The following PTPRD variants were observed in gnomAD, a reference collection of about 807,000 sequenced individuals.
PTPRD encodes the protein protein tyrosine phosphatase receptor type D.
A neutral mutation model predicts 214.5 loss-of-function variants in PTPRD; 34 were observed. That is an observed-to-expected ratio of 0.16 (90% CI 0.12 to 0.21). The LOEUF is 0.21. Ranked by LOEUF, PTPRD falls within the 10% of genes least tolerant of loss-of-function variation. PTPRD has a pLI of 1.00. For synonymous variants in PTPRD, 1,128 were observed against 845.7 expected (o/e 1.33, Z -5.79); for missense variants, 2,545 against 2,398.7 (o/e 1.06, Z -1.27).
chr9:9,433,473 T>G (rs2084009531), intron 8 of PTPRD, among the ~76,000 whole-genome samples: 1 of 152,196 alleles, frequency 6.6e-6, no homozygotes, highest in Non-Finnish European at 1.5e-5. Context: ...TCAACAAGGA[T>G]TCTTCTCTTT....
chr9:8,565,401 A>G (rs1304490146), intron 14 of PTPRD, among the ~76,000 whole-genome samples: 1 of 152,212 alleles, frequency 6.6e-6, no homozygotes, highest in Non-Finnish European at 1.5e-5. Flanking sequence ...TACCCACAGA[A>G]AGGATAACAT....
At chr9:8,766,070 T>A (rs2066319315) in intron 11 of PTPRD, among the ~76,000 whole-genome samples, 1 of 151,986 alleles carries the variant, frequency 6.6e-6, no homozygotes, top group Non-Finnish European at 1.5e-5. Context: ...GGATAGTCAT[T>A]GGTAGTGTCC....
At chr9:9,652,054 G>A (rs2096373945) in intron 7 of PTPRD, among the ~76,000 whole-genome samples, 2 of 151,770 alleles carry the variant, frequency 1.3e-5, no homozygotes, top group South Asian at 4.2e-4. Flanking sequence ...TGTTAGCCAG[G>A]ATGGGCTCAA....
rs140027917 is a variant in PTPRD at position 10,476,601 on chromosome 9, C to T, written c.-599-135584G>A. Among the ~76,000 whole-genome samples, 422 of 152,234 alleles carry T rather than the reference C, an allele frequency of 2.8e-3. 2 individuals carry two copies. Among genetic ancestry groups the T allele is most frequent in the African/African-American group, 9.6e-3 (398 of 41,556 alleles). On this transcript the variant is annotated intron_variant, in intron 2 of 45. Transcript: ENST00000381196. The stretch of plus-strand genomic sequence containing the variant: ...TAGATTCTATGCTATTCCCATCAAG[C>T]TACCATTGACCTTCTTCACAGAGCT...
In PTPRD at chr9:8,733,866, C is replaced by T. The variant is rs540479929; in HGVS notation, c.-23G>A. ...CATCCTGCAGCTTGGCAGCAGCGTG[C>T]GCGAGCAGCTTGGAATCACTGCCTC... On this transcript the variant is annotated 5_prime_UTR_variant, in exon 12 of 46. Coordinates refer to ENST00000381196, the MANE Select transcript of PTPRD (RefSeq NM_002839.4). The T allele has an allele frequency of 8.4e-6, 13 of 1,549,258 alleles. No homozygotes were observed. Among genetic ancestry groups the T allele is most frequent in the East Asian group, 2.4e-5 (1 of 40,896 alleles).
Position 8,636,847 on chromosome 9 carries a change from G to A in PTPRD, c.65-3C>T, listed in dbSNP as rs766554370. ...TGTTCGTGTAAACCTTGGAGGTGCT[G>A]AAATAAAAAATAAACATCACAGTTA... On this transcript the variant is annotated splice_region_variant and splice_polypyrimidine_tract_variant and intron_variant, in intron 12 of 45. Transcript: ENST00000381196. 6.2e-7 allele frequency: 1 copy of A among 1,610,042 alleles called. No homozygotes were observed. Among genetic ancestry groups the A allele is most frequent in the Admixed American group, 1.7e-5 (1 of 59,736 alleles).
intron 10 of PTPRD, among the ~76,000 whole-genome samples, chr9:9,093,164 G>A (rs144177476): frequency 4.9e-4 from 74 of 151,978 alleles, no homozygotes; most frequent in African/African-American, 1.6e-3. Flanking sequence ...ATCTAACAAC[G>A]GAACTTCCAA....
At chr9:8,665,877 G>A (rs2097159860) in intron 12 of PTPRD, among the ~76,000 whole-genome samples, 1 of 152,126 alleles carries the variant, frequency 6.6e-6, no homozygotes, top group South Asian at 2.1e-4. Flanking sequence ...GTTTGTGAAA[G>A]TTAATTATCT....
chr9:10,049,442 A>AAGAAAGAAAGAAAAG lies in PTPRD; in HGVS notation c.-544-15653_-544-15652insCTTTTCTTTCTTTCT, dbSNP rs1242275018. ...AAGAAAGAAAGAAAGAAAGAAAAGAAAAAAAAAAACCCTTCTATATGTGTG... is the reference window on the plus strand; with the variant it reads ...AAGAAAGAAAGAAAGAAAGAAAAGAAAGAAAGAAAGAAAAGAAAAAAAAACCCTTCTATATGTGTG... On this transcript the variant is annotated intron_variant, in intron 3 of 45. Coordinates refer to ENST00000381196, the MANE Select transcript of PTPRD (RefSeq NM_002839.4). Among the ~76,000 whole-genome samples the AAGAAAGAAAGAAAAG allele has an allele frequency of 1.5e-3, 127 of 82,256 alleles. 1 individual carries two copies. In the East Asian group the frequency reaches 0.033, roughly 22 times the overall value. The allele number at this position is 82,256 out of a possible 152,430, so 54.0% of individuals were successfully genotyped here. A position where few individuals can be genotyped will look rare whatever the true frequency, so the allele number is the denominator to read the frequency against.
At chr9:9,455,029 T>C (rs1438550875) in intron 8 of PTPRD, among the ~76,000 whole-genome samples, 1 of 151,596 alleles carries the variant, frequency 6.6e-6, no homozygotes, top group Non-Finnish European at 1.5e-5. Context: ...AAGTATTGCG[T>C]TTTATCTATC....
At chr9:8,851,375 T>C (rs1205273693) in intron 11 of PTPRD, among the ~76,000 whole-genome samples, 2 of 152,212 alleles carry the variant, frequency 1.3e-5, no homozygotes, top group Non-Finnish European at 2.9e-5. Flanking sequence ...TATTTCTAGC[T>C]TTTGCTTTAA....
chr9:9,705,263 G>T (rs1340840709), intron 7 of PTPRD, among the ~76,000 whole-genome samples: 2 of 152,102 alleles, frequency 1.3e-5, no homozygotes, highest in African/African-American at 2.4e-5. Flanking sequence ...TACTATAAAT[G>T]AATTAGGATT....
At chr9:9,206,438 G>A (rs957506131) in intron 9 of PTPRD, among the ~76,000 whole-genome samples, 1 of 152,184 alleles carries the variant, frequency 6.6e-6, no homozygotes, top group African/African-American at 2.4e-5. Flanking sequence ...GGAGGGTTGT[G>A]ATGGTTAATA....
At chr9:10,557,307 T>C (rs1044410843) in intron 2 of PTPRD, among the ~76,000 whole-genome samples, 1 of 152,116 alleles carries the variant, frequency 6.6e-6, no homozygotes, top group East Asian at 1.9e-4. Flanking sequence ...AAAAATAAAA[T>C]GTCAACATAA....
At chr9:10,144,324 C>G (rs985711680) in intron 3 of PTPRD, among the ~76,000 whole-genome samples, 18 of 152,004 alleles carry the variant, frequency 1.2e-4, no homozygotes, top group African/African-American at 3.9e-4. Context: ...ATAGGCTGGA[C>G]TTAGTAAAAT....
chr9:9,943,823 G>A (rs953334759), intron 4 of PTPRD, among the ~76,000 whole-genome samples: 6 of 152,040 alleles, frequency 3.9e-5, no homozygotes, highest in African/African-American at 1.4e-4. Flanking sequence ...CAGGATTAAA[G>A]GATTCTTTTT....
chr9:8,592,828 C>G (rs149803815), intron 14 of PTPRD, among the ~76,000 whole-genome samples: 6 of 152,098 alleles, frequency 3.9e-5, no homozygotes, highest in African/African-American at 1.4e-4. Context: ...ATAGACTCAA[C>G]GAGAAGATAA....
intron 8 of PTPRD, among the ~76,000 whole-genome samples, chr9:9,463,132 C>A (rs924554464): frequency 6.6e-6 from 1 of 152,130 alleles, no homozygotes; most frequent in African/African-American, 2.4e-5. Flanking sequence ...AACCACAGGT[C>A]CTGGTATTAA....
At chr9:8,425,491 G>A (rs1009198180) in intron 35 of PTPRD, among the ~76,000 whole-genome samples, 6 of 152,206 alleles carry the variant, frequency 3.9e-5, no homozygotes, top group East Asian at 3.9e-4. Flanking sequence ...GAACCCCTGA[G>A]CAAGCCACGC....
Sources: gnomAD v4.1 joint callset for allele counts (sites outside exome capture counted in the v4.1 genomes callset) on GRCh38, gnomAD v4.1.1 for gene constraint, MANE v1.5 for transcripts, NCBI Gene and HGNC (gene_info 2026-07-23, HGNC 2026-07-21) for gene names.